KCNU1: variants seen among roughly 807,000 people sequenced by gnomAD.
KCNU1 encodes the protein potassium calcium-activated channel subfamily U member 1.
A neutral mutation model predicts 126.8 loss-of-function variants in KCNU1; 93 were observed. That is an observed-to-expected ratio of 0.73 (90% CI 0.62 to 0.87). KCNU1 has a LOEUF of 0.87. KCNU1 is among the 40% of genes least tolerant of loss of function. The probability of loss-of-function intolerance (pLI) is 0.00; values close to 1 mark genes in which losing one functional copy is unlikely to be tolerated. For missense variants in KCNU1, 1,330 were observed against 1,367.1 expected (o/e 0.97, Z 0.43); for synonymous variants, 523 against 494.2 (o/e 1.06, Z -0.77).
In KCNU1 at chr8:36,840,571, GC is replaced by G; in HGVS notation, c.1630del (p.Arg544GlyfsTer5). On this transcript the variant is annotated frameshift_variant, in exon 15 of 27. Coordinates refer to ENST00000399881, the MANE Select transcript of KCNU1 (RefSeq NM_001031836.3). LOFTEE classifies it high-confidence loss of function. ...TGCTGGAATGAGCTTTCCTGAAGTTGCCCGGTAAGTGAAGTGAAATACTTCC... is the reference window on the plus strand; with the variant it reads ...TGCTGGAATGAGCTTTCCTGAAGTTGCCGGTAAGTGAAGTGAAATACTTCC... ...DFAGMSFPEV[A>X]RLCFLKMHLL... The G allele has an allele frequency of 6.3e-7, 1 of 1,585,882 alleles. No homozygotes were observed. The highest frequency in any genetic ancestry group is 8.7e-7 in the Non-Finnish European group (1 of 1,155,038).
chr8:36,891,475 G>A (rs993250893), intron 19 of KCNU1, among the ~76,000 whole-genome samples: 1 of 151,970 alleles, frequency 6.6e-6, no homozygotes, highest in African/African-American at 2.4e-5. Context: ...TGGAAGAATG[G>A]ATGGATGGAT....
intron 19 of KCNU1, among the ~76,000 whole-genome samples, chr8:36,866,513 G>A (rs1805916591): frequency 6.6e-6 from 1 of 152,168 alleles, no homozygotes; most frequent in South Asian, 2.1e-4. Context: ...CTGAGAAGTA[G>A]TTGAAGGAAA....
chr8:36,804,106 T>A lies in KCNU1; in HGVS notation c.377+18T>A, dbSNP rs779744971. 6.6e-7 allele frequency: 1 copy of A among 1,505,288 alleles called. No homozygotes were observed. The allele number at this position is 1,505,288 out of a possible 1,614,324, so 93.2% of individuals were successfully genotyped here. On this transcript the variant is annotated intron_variant, in intron 3 of 26. Transcript: ENST00000399881. ...TCTGCTGAGTGAGTACAATGTCCAGTCACACTTGTCTGCTATATCAGTACA... is the reference window on the plus strand; with the variant it reads ...TCTGCTGAGTGAGTACAATGTCCAGACACACTTGTCTGCTATATCAGTACA...
At chr8:36,863,274 G>A (rs1199542961) in intron 18 of KCNU1, among the ~76,000 whole-genome samples, 3 of 152,142 alleles carry the variant, frequency 2.0e-5, no homozygotes, top group Admixed American at 2.0e-4. Context: ...GAGGTGATAA[G>A]TGGGATTAAG....
At chr8:36,801,075 T>C (rs929820831) in intron 2 of KCNU1, among the ~76,000 whole-genome samples, 4 of 152,242 alleles carry the variant, frequency 2.6e-5, no homozygotes, top group African/African-American at 9.6e-5. Context: ...ATTACATTTG[T>C]AGACATTGTG....
chr8:36,843,710 G>T (rs557349383), intron 16 of KCNU1, among the ~76,000 whole-genome samples: 1 of 152,266 alleles, frequency 6.6e-6, no homozygotes, highest in South Asian at 2.1e-4. Flanking sequence ...TTGAAATTCT[G>T]GGGAAAAAGC....
chr8:36,804,115 T>A, intron 3 of KCNU1, 27 bp downstream of exon 3: 1 of 1,455,484 alleles, frequency 6.9e-7, no homozygotes, highest in East Asian at 2.4e-5. Flanking sequence ...GTCACACTTG[T>A]CTGCTATATC....
chr8:36,786,092 T>C (rs1353257151), intron 1 of KCNU1, among the ~76,000 whole-genome samples: 1 of 151,682 alleles, frequency 6.6e-6, no homozygotes, highest in Non-Finnish European at 1.5e-5. Context: ...CTCTAAGCCT[T>C]TGGAGAAGTT....
intron 2 of KCNU1, among the ~76,000 whole-genome samples, chr8:36,796,803 T>C (rs950343070): frequency 6.6e-6 from 1 of 152,218 alleles, no homozygotes; most frequent in Non-Finnish European, 1.5e-5. Flanking sequence ...TATAGCTGGA[T>C]TTTTGTTCTT....
intron 24 of KCNU1, among the ~76,000 whole-genome samples, chr8:36,924,658 CT>C (rs1320808101): frequency 1.3e-5 from 2 of 152,154 alleles, no homozygotes; most frequent in Non-Finnish European, 2.9e-5. Flanking sequence ...GAAGGTGGCT[CT>C]GTCAGAGAAA....
At chr8:36,825,498 C>A (rs907155656) in intron 10 of KCNU1, among the ~76,000 whole-genome samples, 3 of 151,676 alleles carry the variant, frequency 2.0e-5, no homozygotes, top group African/African-American at 7.3e-5. Flanking sequence ...TCTTCTTGCA[C>A]CTCTGCTCTT....
chr8:36,915,259 C>G (rs1026478593), intron 22 of KCNU1, among the ~76,000 whole-genome samples: 3 of 152,140 alleles, frequency 2.0e-5, no homozygotes, highest in African/African-American at 7.2e-5. Flanking sequence ...CCAGTCAAAC[C>G]TTGTATATTG....
At chr8:36,887,873 A>G (rs912049840) in intron 19 of KCNU1, among the ~76,000 whole-genome samples, 6 of 152,182 alleles carry the variant, frequency 3.9e-5, no homozygotes, top group Non-Finnish European at 8.8e-5. Context: ...TCTTATTGCC[A>G]CAAAGTGTCT....
Position 36,796,533 on chromosome 8 carries a change from T to C in KCNU1, c.316-7494T>C, listed in dbSNP as rs185569260. Among the ~76,000 whole-genome samples the C allele has an allele frequency of 5.3e-3, 809 of 152,344 alleles. 8 individuals are homozygous for C. Among genetic ancestry groups the C allele is most frequent in the African/African-American group, 0.019 (774 of 41,582 alleles). ...TTGAAAGATATATTCTTATACGATA[T>C]CCACTGATATACAAAGTCACCTATT... On this transcript the variant is annotated intron_variant, in intron 2 of 26. Transcript: ENST00000399881.
chr8:36,789,247 T>C (rs930464893), intron 2 of KCNU1, among the ~76,000 whole-genome samples: 1 of 152,040 alleles, frequency 6.6e-6, no homozygotes. Flanking sequence ...TCCCACCTAC[T>C]CAGGAGGCTG....
intron 22 of KCNU1, among the ~76,000 whole-genome samples, chr8:36,916,490 G>A (rs1395152545): frequency 3.9e-5 from 6 of 151,976 alleles, no homozygotes; most frequent in African/African-American, 1.5e-4. Flanking sequence ...GAGAAGAAAA[G>A]GAGGGAAAGA....
intron 16 of KCNU1, among the ~76,000 whole-genome samples, chr8:36,841,628 A>G (rs1230818208): frequency 6.6e-6 from 1 of 152,156 alleles, no homozygotes; most frequent in East Asian, 1.9e-4. Flanking sequence ...CCTGGGAGGC[A>G]GAGGCTGCAG....
At chr8:36,876,138 C>T (rs1280709422) in intron 19 of KCNU1, among the ~76,000 whole-genome samples, 1 of 151,960 alleles carries the variant, frequency 6.6e-6, no homozygotes, top group Non-Finnish European at 1.5e-5. Flanking sequence ...CCACAGCCAC[C>T]GAGGTCCCAC....
Position 36,844,097 on chromosome 8 carries a change from G to A in KCNU1, c.1704-1483G>A, listed in dbSNP as rs763655207. ...CTCCTTTTAAAAAAATGAAAGGAGC[G>A]GCCAGGCGCAGTGGCTCATGCCTGT... On this transcript the variant is annotated intron_variant, in intron 16 of 26. Transcript: ENST00000399881. Among the ~76,000 whole-genome samples, 4 of 152,222 alleles carry A rather than the reference G, an allele frequency of 2.6e-5. 1 individual carries two copies. Among genetic ancestry groups the A allele is most frequent in the East Asian group, 3.9e-4 (2 of 5,176 alleles).
Sources: allele counts gnomAD v4.1 joint callset (sites outside exome capture counted in the v4.1 genomes callset), GRCh38; gene constraint gnomAD v4.1.1; transcripts MANE v1.5; gene names NCBI Gene and HGNC (gene_info 2026-07-23, HGNC 2026-07-21).